KCNH1: variants seen among roughly 807,000 people sequenced by gnomAD.
KCNH1 encodes voltage-gated delayed rectifier potassium channel KCNH1.
Under a neutral mutation model 69.2 loss-of-function variants are expected in KCNH1, and 27 were observed. The ratio of observed to expected loss-of-function variants is 0.39; its 90% CI spans 0.29 to 0.54. The LOEUF is 0.54. Ranked by LOEUF, KCNH1 falls within the 20% of genes least tolerant of loss-of-function variation. KCNH1 has a pLI of 0.68. For synonymous variants in KCNH1, 456 were observed against 487.7 expected (o/e 0.93, Z 0.86); for missense variants, 798 against 1,261.6 (o/e 0.63, Z 5.57).
intron 9 of KCNH1, among the ~76,000 whole-genome samples, chr1:210,785,694 C>T (rs556293099): frequency 1.1e-3 from 163 of 152,278 alleles, no homozygotes; most frequent in South Asian, 6.6e-3. Flanking sequence ...ATATGTCTCT[C>T]CATGGTAAGG....
chr1:211,083,005 C>T (rs1190808548), intron 4 of KCNH1, 107 bp from the exon 5 acceptor site: 1 of 850,658 alleles, frequency 1.2e-6, no homozygotes, highest in African/African-American at 1.7e-5. Flanking sequence ...CCAATGCCCT[C>T]CTAAGCTCCC....
At chr1:210,982,926 C>A (rs1198661181) in intron 6 of KCNH1, among the ~76,000 whole-genome samples, 1 of 152,194 alleles carries the variant, frequency 6.6e-6, no homozygotes, top group African/African-American at 2.4e-5. Flanking sequence ...TCCTCTCCAG[C>A]ACCTGCTGTT....
intron 6 of KCNH1, among the ~76,000 whole-genome samples, chr1:210,967,356 T>C (rs1262416509): frequency 6.6e-6 from 1 of 151,742 alleles, no homozygotes; most frequent in East Asian, 1.9e-4. Flanking sequence ...AAAAAAATAG[T>C]AAAAAGATAC....
intron 5 of KCNH1, among the ~76,000 whole-genome samples, chr1:211,031,154 A>C (rs961685262): frequency 6.6e-6 from 1 of 152,230 alleles, no homozygotes; most frequent in Non-Finnish European, 1.5e-5. Flanking sequence ...AGAAATGGAT[A>C]AATTCCTCGA....
At chr1:210,983,139 T>G (rs1688748102) in intron 6 of KCNH1, among the ~76,000 whole-genome samples, 1 of 152,174 alleles carries the variant, frequency 6.6e-6, no homozygotes. Flanking sequence ...CTTGTAAATT[T>G]GTTTGAGTTC....
At chr1:211,010,638 G>C (rs1376584798) in intron 6 of KCNH1, among the ~76,000 whole-genome samples, 1 of 152,076 alleles carries the variant, frequency 6.6e-6, no homozygotes, top group East Asian at 1.9e-4. Context: ...AGCCTCCCTG[G>C]ATTCTCCCAC....
intron 7 of KCNH1, among the ~76,000 whole-genome samples, chr1:210,845,523 C>T (rs1685522582): frequency 6.6e-6 from 1 of 152,146 alleles, no homozygotes; most frequent in African/African-American, 2.4e-5. Context: ...TGACAAAATT[C>T]AACAACGCTT....
rs557196455 is a variant in KCNH1, at chr1:210,746,985, A to G, written c.2112+28363T>C. 2.8e-4 allele frequency among the ~76,000 whole-genome samples: 42 copies of G among 152,342 alleles called. 1 individual carries two copies. In the South Asian group the frequency reaches 8.7e-3, roughly 32 times the overall value. ...CTCTGGCTTTGGGAATCTTCTGTCC[A>G]GTAATATAGTCAGAGTAGACCGTTC... On this transcript the variant is annotated intron_variant, in intron 10 of 10. Coordinates refer to ENST00000271751, the MANE Select transcript of KCNH1 (RefSeq NM_172362.3).
intron 4 of KCNH1, 63 bp from the exon 5 acceptor site, chr1:211,082,961 A>G (rs754568429): frequency 7.5e-6 from 10 of 1,336,578 alleles, no homozygotes; most frequent in Non-Finnish European, 1.1e-5. Flanking sequence ...ACAGACATTC[A>G]CATTACAAGT....
intron 4 of KCNH1, among the ~76,000 whole-genome samples, chr1:211,084,195 A>G (rs1242172637): frequency 2.0e-5 from 3 of 151,536 alleles, no homozygotes; most frequent in Non-Finnish European, 2.9e-5. Context: ...CATCTCCCCC[A>G]GTGTCAATGA....
chr1:210,920,513 C>T (rs945499257), intron 6 of KCNH1, among the ~76,000 whole-genome samples: 1 of 151,946 alleles, frequency 6.6e-6, no homozygotes, highest in Non-Finnish European at 1.5e-5. Flanking sequence ...AGTATGCAAA[C>T]ATATATGTGC....
chr1:210,863,532 A>G (rs1372176557), intron 7 of KCNH1, among the ~76,000 whole-genome samples: 7 of 152,128 alleles, frequency 4.6e-5, no homozygotes, highest in Admixed American at 2.0e-4. Context: ...AGTTAAAACC[A>G]CTTTCCCCCT....
intron 6 of KCNH1, among the ~76,000 whole-genome samples, chr1:210,943,453 A>G (rs764052488): frequency 1.3e-5 from 2 of 151,992 alleles, no homozygotes; most frequent in Non-Finnish European, 2.9e-5. Context: ...GGTTCAGGCC[A>G]ATCTCCTGCC....
intron 7 of KCNH1, among the ~76,000 whole-genome samples, chr1:210,818,934 A>G (rs1455668393): frequency 1.3e-5 from 2 of 152,240 alleles, no homozygotes; most frequent in Non-Finnish European, 2.9e-5. Context: ...TAAACTTCTC[A>G]TAACTCTTAC....
chr1:210,884,134 G>A (rs889715483), intron 7 of KCNH1, among the ~76,000 whole-genome samples: 4 of 152,186 alleles, frequency 2.6e-5, no homozygotes, highest in Admixed American at 2.0e-4. Context: ...CCATAGGCAC[G>A]TGCATGCATA....
At chr1:210,869,867 T>C (rs1686200767) in intron 7 of KCNH1, among the ~76,000 whole-genome samples, 1 of 152,132 alleles carries the variant, frequency 6.6e-6, no homozygotes, top group Non-Finnish European at 1.5e-5. Context: ...ACCTGGTAGT[T>C]CTTTGCCTGG....
chr1:211,102,089 A>G (rs759719098), intron 3 of KCNH1, among the ~76,000 whole-genome samples: 1 of 152,192 alleles, frequency 6.6e-6, no homozygotes, highest in African/African-American at 2.4e-5. Flanking sequence ...TTCAAATATC[A>G]GAATCAATCA....
chr1:210,880,063 T>C (rs1686463581), intron 7 of KCNH1, among the ~76,000 whole-genome samples: 1 of 152,114 alleles, frequency 6.6e-6, no homozygotes, highest in African/African-American at 2.4e-5. Flanking sequence ...TGAGGAAAAC[T>C]ACAAAACTCT....
intron 10 of KCNH1, among the ~76,000 whole-genome samples, chr1:210,758,848 G>T (rs1397348750): frequency 6.6e-6 from 1 of 152,190 alleles, no homozygotes; most frequent in African/African-American, 2.4e-5. Context: ...ACTGGGAGGT[G>T]TTGCTTTTCA....
Sources: gnomAD v4.1 joint callset for allele counts (sites outside exome capture counted in the v4.1 genomes callset) on GRCh38, gnomAD v4.1.1 for gene constraint, MANE v1.5 for transcripts, NCBI Gene and HGNC (gene_info 2026-07-23, HGNC 2026-07-21) for gene names.